The following PLEKHM3 variants were observed in gnomAD, a reference collection of about 807,000 sequenced individuals.
The protein encoded by PLEKHM3 is pleckstrin homology domain-containing family M member 3.
A neutral mutation model predicts 81.8 loss-of-function variants in PLEKHM3; 45 were observed. That is an observed-to-expected ratio of 0.55 (90% CI 0.43 to 0.71). The LOEUF (loss-of-function observed/expected upper bound fraction) is 0.71, where lower values mean the gene tolerates loss of function less well. PLEKHM3 is among the 30% of genes least tolerant of loss of function. The pLI is 0.00. For missense variants in PLEKHM3, 788 were observed against 924.3 expected (o/e 0.85, Z 1.91); for synonymous variants, 352 against 356.4 (o/e 0.99, Z 0.14).
At chr2:207,865,801 A>AAAAAAAATATATATATATATATATAT in intron 6 of PLEKHM3, among the ~76,000 whole-genome samples, 2 of 25,288 alleles carry the variant, frequency 7.9e-5, no homozygotes, top group African/African-American at 4.2e-4. Flanking sequence ...AAAAAAAAAA[A>AAAAAAAATATATATATATATATATAT]AGATATATAT....
chr2:208,007,394 C>T (rs1042559856), intron 1 of PLEKHM3, among the ~76,000 whole-genome samples: 1 of 151,928 alleles, frequency 6.6e-6, no homozygotes, highest in African/African-American at 2.4e-5. Flanking sequence ...TACATGGTGA[C>T]GTAAGGATGT....
At chr2:207,927,457 A>G (rs760090506) in intron 5 of PLEKHM3, among the ~76,000 whole-genome samples, 1 of 146,170 alleles carries the variant, frequency 6.8e-6, no homozygotes, top group Non-Finnish European at 1.5e-5. Flanking sequence ...CAGAGGCTGC[A>G]GTGAGCCGAG....
intron 1 of PLEKHM3, among the ~76,000 whole-genome samples, chr2:208,011,363 A>G (rs1574490326): frequency 6.6e-6 from 1 of 152,260 alleles, no homozygotes; most frequent in East Asian, 1.9e-4. Flanking sequence ...CAACGAATAG[A>G]AAGAAACTGT....
intron 6 of PLEKHM3, among the ~76,000 whole-genome samples, chr2:207,865,320 T>C (rs1052829238): frequency 6.6e-6 from 1 of 152,230 alleles, no homozygotes; most frequent in Non-Finnish European, 1.5e-5. Flanking sequence ...GTGATTCACC[T>C]ATTTAAAGTC....
intron 3 of PLEKHM3, among the ~76,000 whole-genome samples, chr2:207,964,002 C>T (rs1309164756): frequency 6.6e-5 from 10 of 152,150 alleles, no homozygotes; most frequent in Admixed American, 2.6e-4. Flanking sequence ...ACCTGAGGTC[C>T]GGAGTTTGAG....
intron 2 of PLEKHM3, among the ~76,000 whole-genome samples, chr2:207,983,687 TCTC>T (rs1691620738): frequency 6.6e-6 from 1 of 152,128 alleles, no homozygotes; most frequent in Non-Finnish European, 1.5e-5. Context: ...CCCTTTTCCT[TCTC>T]CTCCTCGTCT....
chr2:207,990,649 AG>A (rs1445579155), intron 2 of PLEKHM3, among the ~76,000 whole-genome samples: 1 of 152,144 alleles, frequency 6.6e-6, no homozygotes, highest in Non-Finnish European at 1.5e-5. Flanking sequence ...ACATGAAGAG[AG>A]TGATACTACA....
At chr2:207,962,183 G>A (rs978459823) in intron 3 of PLEKHM3, among the ~76,000 whole-genome samples, 6 of 152,154 alleles carry the variant, frequency 3.9e-5, no homozygotes, top group Non-Finnish European at 5.9e-5. Flanking sequence ...ATGATTAGAG[G>A]GTTGGGACTT....
intron 3 of PLEKHM3, among the ~76,000 whole-genome samples, chr2:207,952,646 T>C (rs915094264): frequency 6.6e-6 from 1 of 152,176 alleles, no homozygotes; most frequent in Non-Finnish European, 1.5e-5. Flanking sequence ...AAAGGATTAT[T>C]TGACACAGGG....
chr2:207,858,191 T>TTTTTTTTA (rs2092447486), intron 7 of PLEKHM3, among the ~76,000 whole-genome samples: 2 of 150,124 alleles, frequency 1.3e-5, no homozygotes, highest in African/African-American at 4.9e-5. Context: ...TTTTTTTTTT[T>TTTTTTTTA]GAGATGAAGT....
intron 3 of PLEKHM3, among the ~76,000 whole-genome samples, chr2:207,962,774 G>A (rs991549505): frequency 6.6e-6 from 1 of 152,174 alleles, no homozygotes; most frequent in African/African-American, 2.4e-5. Context: ...TAAACTGACA[G>A]TGCAGTGCCC....
chr2:207,943,607 G>A (rs1297149865), intron 4 of PLEKHM3, among the ~76,000 whole-genome samples: 3 of 151,918 alleles, frequency 2.0e-5, no homozygotes, highest in East Asian at 1.9e-4. Context: ...GGTGGCTCAC[G>A]CCTGTAATCC....
At chr2:207,890,250 G>A (rs540399154) in intron 6 of PLEKHM3, among the ~76,000 whole-genome samples, 11 of 152,190 alleles carry the variant, frequency 7.2e-5, no homozygotes, top group Non-Finnish European at 1.6e-4. Flanking sequence ...AAACAAAATA[G>A]AGTTACCAGA....
rs1006089121 is a variant in PLEKHM3 at position 207,946,630 on chromosome 2, C to A, written c.1547-118G>T. Reference sequence around the variant, plus strand: ...TATATTTCATTTACCTAGTCTGCAACAAAAAAGAAGTTACAGATAATAGAG... The same window carrying A: ...TATATTTCATTTACCTAGTCTGCAAAAAAAAAGAAGTTACAGATAATAGAG... On this transcript the variant is annotated intron_variant, in intron 3 of 7. Coordinates refer to ENST00000427836, the MANE Select transcript of PLEKHM3 (RefSeq NM_001080475.3). 3.2e-5 allele frequency: 44 copies of A among 1,354,028 alleles called. No homozygotes were observed. The Middle Eastern group carries it at 7.6e-4, about 23-fold the overall frequency. The allele number at this position is 1,354,028 out of a possible 1,614,324, so 83.9% of individuals were successfully genotyped here.
chr2:207,963,246 C>CTT (rs1405375513), intron 3 of PLEKHM3, among the ~76,000 whole-genome samples: 2 of 147,380 alleles, frequency 1.4e-5, no homozygotes, highest in African/African-American at 5.4e-5. Context: ...TATGCAAAGG[C>CTT]TCTAAGGTGG....
intron 5 of PLEKHM3, among the ~76,000 whole-genome samples, chr2:207,916,314 G>A (rs939267308): frequency 2.0e-5 from 3 of 152,074 alleles, no homozygotes; most frequent in Admixed American, 1.3e-4. Flanking sequence ...TGAGTATTGT[G>A]GCATCTGATT....
At chr2:208,012,198 C>G (rs200356719) in intron 1 of PLEKHM3, among the ~76,000 whole-genome samples, 2 of 151,984 alleles carry the variant, frequency 1.3e-5, no homozygotes, top group African/African-American at 4.8e-5. Context: ...CCCGCCACCA[C>G]GCCCGGCTAA....
intron 4 of PLEKHM3, among the ~76,000 whole-genome samples, chr2:207,935,080 G>C (rs1282419299): frequency 6.6e-6 from 1 of 152,054 alleles, no homozygotes; most frequent in East Asian, 1.9e-4. Context: ...CGAATAAGAA[G>C]GACTTGTAGA....
At chr2:207,856,130 T>G (rs372170784) in intron 7 of PLEKHM3, among the ~76,000 whole-genome samples, 1 of 152,198 alleles carries the variant, frequency 6.6e-6, no homozygotes, top group Non-Finnish European at 1.5e-5. Flanking sequence ...AACTGTTCAG[T>G]TGAACAATTT....
Sources: allele counts gnomAD v4.1 joint callset (sites outside exome capture counted in the v4.1 genomes callset), GRCh38; gene constraint gnomAD v4.1.1; transcripts MANE v1.5; gene names NCBI Gene and HGNC (gene_info 2026-07-23, HGNC 2026-07-21).